PDXDC1: variants seen among roughly 807,000 people sequenced by gnomAD.
PDXDC1 encodes pyridoxal dependent decarboxylase domain containing 1, also known as pyridoxal-dependent decarboxylase domain-containing protein 1.
Under a neutral mutation model 100.1 loss-of-function variants are expected in PDXDC1, and 42 were observed. The ratio of observed to expected loss-of-function variants is 0.42; its 90% CI spans 0.33 to 0.54. The LOEUF (loss-of-function observed/expected upper bound fraction) is 0.54. PDXDC1 is among the 20% of genes least tolerant of loss of function. The pLI, the probability that PDXDC1 is intolerant of heterozygous loss-of-function variation, is 0.10. For missense variants in PDXDC1, 636 were observed against 979.2 expected, an observed-to-expected ratio of 0.65 and a Z score of 4.68; for synonymous variants, 260 against 371.7, an observed-to-expected ratio of 0.70 and a Z score of 3.46.
chr16:15,087,723 C>G (rs2045964226), intron 16 of PDXDC1, among the ~76,000 whole-genome samples: 1 of 152,192 alleles, frequency 6.6e-6, no homozygotes, highest in Admixed American at 6.5e-5. Flanking sequence ...AGAAAACAAG[C>G]TAAGTTAGTG....
chr16:15,150,134 G>A, the PDXDC1 span, among the ~76,000 whole-genome samples: 2 of 151,844 alleles, frequency 1.3e-5, no homozygotes, highest in Non-Finnish European at 2.9e-5. Context: ...CACGAGGTCA[G>A]GAGATCCAGA....
At chr16:15,018,387 C>T (rs1276497771) in intron 11 of PDXDC1, among the ~76,000 whole-genome samples, 6 of 152,308 alleles carry the variant, frequency 3.9e-5, no homozygotes, top group Admixed American at 6.5e-5. Flanking sequence ...GCAGCCTGGG[C>T]GACAGAATGA....
intron 16 of PDXDC1, among the ~76,000 whole-genome samples, chr16:15,093,399 T>C (rs1177280361): frequency 1.3e-5 from 2 of 152,178 alleles, no homozygotes; most frequent in Non-Finnish European, 2.9e-5. Context: ...CCCTCCCCCA[T>C]TACCTTGTTG....
At chr16:15,001,344 C>T (rs1973102664) in intron 3 of PDXDC1, among the ~76,000 whole-genome samples, 1 of 152,270 alleles carries the variant, frequency 6.6e-6, no homozygotes, top group African/African-American at 2.4e-5. Context: ...CAAAAATTAG[C>T]CGAGCGTGGT....
rs374457658 is a variant in PDXDC1, at chr16:15,050,742, AAATT to A, written c.1399+20689_1399+20692del. ...CCAAGACCCTGCCTCAAAAAAAAAAAAATTAAGATTAAACTAAAAGAAGAGATGT... is the reference window on the plus strand; with the variant it reads ...CCAAGACCCTGCCTCAAAAAAAAAAAAAGATTAAACTAAAAGAAGAGATGT... On this transcript the variant is annotated intron_variant, in intron 16 of 16. Coordinates refer to the PDXDC1 transcript ENST00000535621. 9.9e-4 allele frequency among the ~76,000 whole-genome samples: 151 copies of A among 152,270 alleles called. 2 individuals carry two copies. The East Asian group carries it at 0.02, about 21-fold the overall frequency.
Position 15,037,275 on chromosome 16 carries a change from G to A in PDXDC1, c.*1000G>A, listed in dbSNP as rs1018800514. 2.0e-5 allele frequency: 3 copies of A among 152,194 alleles called. No individual in the cohort carries two copies. Among genetic ancestry groups the A allele is most frequent in the East Asian group, 1.9e-4 (1 of 5,200 alleles). 9.4% of individuals were successfully genotyped at this position (152,194 alleles called of 1,614,324 possible). A position where few individuals can be genotyped will look rare whatever the true frequency, so the allele number is the denominator to read the frequency against. On this transcript the variant is annotated 3_prime_UTR_variant, in exon 23 of 23. Transcript: ENST00000396410. ...TGGCACTGCCCGTTCCTACTTTTCC[G>A]AAGTACTGCGTCACTTTGTCGTAAG...
At chr16:15,031,264 T>TA (rs2043048879) in intron 16 of PDXDC1, among the ~76,000 whole-genome samples, 1 of 152,016 alleles carries the variant, frequency 6.6e-6, no homozygotes, top group African/African-American at 2.4e-5. Flanking sequence ...TCTAGATACT[T>TA]AGTCTCTAAA....
chr16:14,990,222 G>GGCCCGGCCGCCCGTGCCTCACT (rs1257049586), intron 1 of PDXDC1: 2 of 961,730 alleles, frequency 2.1e-6, no homozygotes, highest in Non-Finnish European at 2.5e-6. Flanking sequence ...CCAGCCCACC[G>GGCCCGGCCGCCCGTGCCTCACT]GCCCGGCCGC....
At chr16:15,048,795 T>C (rs908188801) in intron 16 of PDXDC1, among the ~76,000 whole-genome samples, 1 of 151,930 alleles carries the variant, frequency 6.6e-6, no homozygotes, top group Non-Finnish European at 1.5e-5. Context: ...GGCTGAGTTT[T>C]ATACTTTTTG....
chr16:15,035,446 C>G lies in PDXDC1; in HGVS notation c.2003-3C>G, dbSNP rs200423322. ...TTCTACCCAGCCCTCTCCTCTCCCG[C>G]AGGCTCTCTGGAGTCCACAGAACCC... On this transcript the variant is annotated splice_polypyrimidine_tract_variant and splice_region_variant and intron_variant, in intron 21 of 22. Coordinates refer to ENST00000396410, the MANE Select transcript of PDXDC1 (RefSeq NM_015027.4). 1 of 1,594,944 alleles carries G rather than the reference C, an allele frequency of 6.3e-7. No homozygotes were observed. Among genetic ancestry groups the G allele is most frequent in the Non-Finnish European group, 8.6e-7 (1 of 1,168,548 alleles).
intron 1 of PDXDC1, among the ~76,000 whole-genome samples, chr16:14,994,706 A>G (rs1430699672): frequency 1.3e-5 from 2 of 152,294 alleles, no homozygotes; most frequent in Admixed American, 6.5e-5. Context: ...TGGGGATGGC[A>G]TTGAATCTAT....
At chr16:15,142,703 G>T (rs1475724585), downstream of PDXDC1, among the ~76,000 whole-genome samples, 1 of 152,102 alleles carries the variant, frequency 6.6e-6, no homozygotes, top group Non-Finnish European at 1.5e-5. Context: ...CGTTCTGGGG[G>T]AACGCCAAGG....
intron 1 of PDXDC1, among the ~76,000 whole-genome samples, chr16:14,997,344 A>G (rs1423831093): frequency 2.0e-5 from 3 of 152,260 alleles, no homozygotes; most frequent in South Asian, 2.1e-4. Flanking sequence ...CGAGACTAGC[A>G]TGGCCAACAT....
At chr16:15,017,510 A>G (rs2041881480) in intron 11 of PDXDC1, 88 bp downstream of exon 11, 1 of 846,488 alleles carries the variant, frequency 1.2e-6, no homozygotes, top group Non-Finnish European at 1.9e-6. Flanking sequence ...TACAGGAAAA[A>G]GTGAAAAATA....
intron 1 of PDXDC1, among the ~76,000 whole-genome samples, chr16:14,991,416 TA>T (rs544484093): frequency 5.4e-4 from 83 of 152,328 alleles, no homozygotes; most frequent in Admixed American, 1.2e-3. Flanking sequence ...TCATCCCACC[TA>T]AACCTCCCAA....
At position 15,034,413 on chromosome 16, in the gene PDXDC1, C is replaced by T. The variant is rs778133632; in HGVS notation, c.1905+35C>T. 31 of 1,613,024 alleles carry T rather than the reference C, an allele frequency of 1.9e-5. No individual in the cohort carries two copies. The Middle Eastern group carries it at 7.0e-4, about 36-fold the overall frequency. ...CCGATGGGCAGCAGGCTGGGGGAGCCGCCGTGAGGCCAGGTGGCCCTGAAC... is the reference window on the plus strand; with the variant it reads ...CCGATGGGCAGCAGGCTGGGGGAGCTGCCGTGAGGCCAGGTGGCCCTGAAC... On this transcript the variant is annotated intron_variant, in intron 20 of 22. Coordinates refer to ENST00000396410, the MANE Select transcript of PDXDC1 (RefSeq NM_015027.4).
At chr16:14,980,102 G>A (rs1241049347) in intron 1 of PDXDC1, among the ~76,000 whole-genome samples, 1 of 152,278 alleles carries the variant, frequency 6.6e-6, no homozygotes, top group African/African-American at 2.4e-5. Context: ...ATAGTACAAA[G>A]TTCCTGATCC....
intron 6 of PDXDC1, among the ~76,000 whole-genome samples, chr16:15,008,006 T>G (rs1386307834): frequency 6.6e-6 from 1 of 152,286 alleles, no homozygotes; most frequent in African/African-American, 2.4e-5. Context: ...TATTAAACTG[T>G]TAACGGGGTG....
rs150118691 is a variant in PDXDC1 at position 15,088,281 on chromosome 16, G to C, written c.1400-50598G>C. ...GCTTGAGCCCAGGAATTTGAGACCA[G>C]CCTGGGCAACATGGGGAGACCTCAT... On this transcript the variant is annotated intron_variant, in intron 16 of 16. Transcript: ENST00000535621. Among the ~76,000 whole-genome samples, 4 of 152,284 alleles carry C rather than the reference G, an allele frequency of 2.6e-5. No homozygotes were observed. In the East Asian group the frequency reaches 7.7e-4, roughly 29 times the overall value.
Sources: gnomAD v4.1 joint callset for allele counts (sites outside exome capture counted in the v4.1 genomes callset) on GRCh38, gnomAD v4.1.1 for gene constraint, MANE v1.5 for transcripts, NCBI Gene and HGNC (gene_info 2026-07-23, HGNC 2026-07-21) for gene names.